PATJ: variants seen among roughly 807,000 people sequenced by gnomAD.
PATJ encodes PATJ crumbs cell polarity complex component.
A neutral mutation model predicts 224.9 loss-of-function variants in PATJ; 190 were observed. That is an observed-to-expected ratio of 0.84 (90% CI 0.75 to 0.95). The LOEUF (loss-of-function observed/expected upper bound fraction) is 0.95, where lower values mean the gene tolerates loss of function less well. Ranked by LOEUF, PATJ falls within the 40% of genes least tolerant of loss-of-function variation. PATJ has a pLI of 0.00. For synonymous variants in PATJ, 769 were observed against 820.3 expected, an observed-to-expected ratio of 0.94 and a Z score of 1.07; for missense variants, 2,121 against 2,270.3, an observed-to-expected ratio of 0.93 and a Z score of 1.34.
intron 29 of PATJ, among the ~76,000 whole-genome samples, chr1:62,023,576 C>G (rs1229422217): frequency 6.6e-6 from 1 of 152,130 alleles, no homozygotes; most frequent in Non-Finnish European, 1.5e-5. Flanking sequence ...ATAGGAGATG[C>G]ATCTGATGTA....
chr1:61,789,685 G>A (rs547346683), intron 8 of PATJ, among the ~76,000 whole-genome samples: 41 of 152,016 alleles, frequency 2.7e-4, no homozygotes, highest in South Asian at 1.0e-3. Flanking sequence ...GGTGGCACAC[G>A]CTTGTAATTC....
chr1:61,970,684 A>G (rs1682843343), intron 27 of PATJ, among the ~76,000 whole-genome samples: 1 of 151,814 alleles, frequency 6.6e-6, no homozygotes, highest in Non-Finnish European at 1.5e-5. Flanking sequence ...TGTAAAGATG[A>G]CCTCTTCATC....
At position 61,762,430 on chromosome 1, in the gene PATJ, G is replaced by C. The variant is rs1397330395; in HGVS notation, c.-35-428G>C. On this transcript the variant is annotated intron_variant, in intron 1 of 43. Transcript: ENST00000642238. The stretch of plus-strand genomic sequence containing the variant: ...GTTACTAGACACTTGGGTTTTTCTA[G>C]TTTTGGGGTTTTTGTAAATAAAAAT... Among the ~76,000 whole-genome samples the C allele has an allele frequency of 2.6e-5, 4 of 151,992 alleles. No homozygotes were observed. In the East Asian group the frequency reaches 7.7e-4, roughly 29 times the overall value.
At chr1:61,784,668 AT>A (rs1046392942) in intron 7 of PATJ, among the ~76,000 whole-genome samples, 70 of 152,260 alleles carry the variant, frequency 4.6e-4, no homozygotes, top group African/African-American at 1.6e-3. Flanking sequence ...ATATTTTTTA[AT>A]TTTTTGATCA....
intron 29 of PATJ, among the ~76,000 whole-genome samples, chr1:62,027,356 A>G (rs1257574924): frequency 6.6e-6 from 1 of 152,150 alleles, no homozygotes; most frequent in African/African-American, 2.4e-5. Context: ...TTGTTTATCC[A>G]CGCATCCATT....
chr1:62,150,234 C>A (rs1428204278), intron 42 of PATJ, among the ~76,000 whole-genome samples: 1 of 152,102 alleles, frequency 6.6e-6, no homozygotes, highest in African/African-American at 2.4e-5. Context: ...AGTATCTCAA[C>A]AGATATTTAT....
intron 28 of PATJ, among the ~76,000 whole-genome samples, chr1:62,015,970 TAGTAGAGAC>T (rs1646750010): frequency 6.6e-6 from 1 of 152,138 alleles, no homozygotes; most frequent in Non-Finnish European, 1.5e-5. Flanking sequence ...TTTGTATTTT[TAGTAGAGAC>T]AGGGTTTCAC....
chr1:62,113,739 A>G (rs1472582289), intron 34 of PATJ, among the ~76,000 whole-genome samples: 1 of 152,232 alleles, frequency 6.6e-6, no homozygotes, highest in Non-Finnish European at 1.5e-5. Context: ...TTTTATCTCA[A>G]TTAAATGAGC....
At chr1:61,909,855 T>C (rs1672367943) in intron 25 of PATJ, among the ~76,000 whole-genome samples, 1 of 152,232 alleles carries the variant, frequency 6.6e-6, no homozygotes, top group African/African-American at 2.4e-5. Context: ...TGGAATATTT[T>C]GCATGCTTGT....
At chr1:61,981,797 G>A (rs749667087) in intron 27 of PATJ, among the ~76,000 whole-genome samples, 1 of 151,670 alleles carries the variant, frequency 6.6e-6, no homozygotes, top group African/African-American at 2.4e-5. Context: ...TCAGCCTCCC[G>A]AGTAGCTGGG....
intron 25 of PATJ, among the ~76,000 whole-genome samples, chr1:61,913,298 A>G (rs889418623): frequency 5.3e-5 from 8 of 152,030 alleles, no homozygotes; most frequent in African/African-American, 1.9e-4. Context: ...TCAGTGGTGC[A>G]ATTGTGGCTC....
chr1:62,133,646 A>G (rs1211752507), intron 41 of PATJ, among the ~76,000 whole-genome samples: 5 of 152,124 alleles, frequency 3.3e-5, no homozygotes, highest in African/African-American at 1.2e-4. Context: ...AGATTTGAGT[A>G]GAATGGTGCT....
chr1:61,829,627 G>C (rs1203762238), intron 16 of PATJ, among the ~76,000 whole-genome samples: 1 of 152,168 alleles, frequency 6.6e-6, no homozygotes, highest in African/African-American at 2.4e-5. Context: ...TATATTTCAG[G>C]TTGCAGTATA....
At chr1:61,946,119 G>C (rs556242706) in intron 27 of PATJ, among the ~76,000 whole-genome samples, 1 of 152,300 alleles carries the variant, frequency 6.6e-6, no homozygotes, top group Admixed American at 6.5e-5. Flanking sequence ...AAGCAGGAAA[G>C]ATCTAAAATT....
chr1:62,026,938 G>T (rs914775457), intron 29 of PATJ, among the ~76,000 whole-genome samples: 1 of 152,196 alleles, frequency 6.6e-6, no homozygotes, highest in Non-Finnish European at 1.5e-5. Flanking sequence ...ATTATTTGCT[G>T]TAGCCAAAAG....
At chr1:61,858,655 C>T (rs1664085647) in intron 18 of PATJ, among the ~76,000 whole-genome samples, 1 of 152,186 alleles carries the variant, frequency 6.6e-6, no homozygotes, top group Non-Finnish European at 1.5e-5. Flanking sequence ...CCACCCCTGT[C>T]ACCCAAACAT....
intron 41 of PATJ, among the ~76,000 whole-genome samples, chr1:62,140,649 C>T (rs117335978): frequency 0.034 from 5,094 of 151,026 alleles, 151 homozygotes; most frequent in South Asian, 0.13. Context: ...CGAGACACCA[C>T]CTCAAAAAAA....
chr1:62,108,555 A>G, intron 34 of PATJ, 35 bp downstream of exon 34: 3 of 1,325,346 alleles, frequency 2.3e-6, no homozygotes, highest in Non-Finnish European at 3.2e-6. Flanking sequence ...ATATCAGTAA[A>G]TGTGGTTCCT....
In PATJ at chr1:61,827,450, C is replaced by T; in HGVS notation, c.1847C>T (p.Ser616Phe). Residue 616 changes from serine (S) to phenylalanine (F), a missense_variant, in exon 16 of 44, where the codon TCT (serine) becomes TTT (phenylalanine). Transcript: ENST00000642238. ...AATGGCATGCAGCTTTATGGAAAAT[C>T]TCGCCGAGAAGCAGTCTCCTTTCTT... ...EVNGMQLYGK[S>F]RREAVSFLKE... 2 of 1,613,944 alleles carry T rather than the reference C, an allele frequency of 1.2e-6. No individual in the cohort carries two copies. The highest frequency in any genetic ancestry group is 1.7e-6 in the Non-Finnish European group (2 of 1,179,946).
Sources: allele counts gnomAD v4.1 joint callset (sites outside exome capture counted in the v4.1 genomes callset), GRCh38; gene constraint gnomAD v4.1.1; transcripts MANE v1.5; gene names NCBI Gene and HGNC (gene_info 2026-07-23, HGNC 2026-07-21).